FILIP1L: variants seen among roughly 807,000 people sequenced by gnomAD.
FILIP1L encodes the protein filamin A interacting protein 1 like.
In FILIP1L, 55 loss-of-function variants were observed where a neutral mutation model predicts 96.6. That is an observed-to-expected ratio of 0.57 (90% CI 0.46 to 0.71). FILIP1L has a LOEUF of 0.71. Ranked by LOEUF, FILIP1L falls within the 30% of genes least tolerant of loss-of-function variation. The pLI, the probability that FILIP1L is intolerant of heterozygous loss-of-function variation, is 0.00. For synonymous variants in FILIP1L, 467 were observed against 473.9 expected (o/e 0.99, Z 0.19); for missense variants, 1,304 against 1,321.2 (o/e 0.99, Z 0.20).
intron 4 of FILIP1L, among the ~76,000 whole-genome samples, chr3:99,883,479 C>G (rs1349458591): frequency 2.0e-5 from 3 of 152,164 alleles, no homozygotes; most frequent in African/African-American, 7.2e-5. Context: ...TCAGCATTAT[C>G]AGAGTTATCC....
chr3:99,983,458 ATG>A (rs71132503), intron 1 of FILIP1L, among the ~76,000 whole-genome samples: 2,366 of 15,622 alleles, frequency 0.15, 92 homozygotes, highest in South Asian at 0.23. Flanking sequence ...ATATATATAT[ATG>A]TGTGTATATA....
chr3:100,091,284 CAAAAAAAA>C (rs570908389), intron 1 of FILIP1L, among the ~76,000 whole-genome samples: 2 of 59,108 alleles, frequency 3.4e-5, no homozygotes, highest in African/African-American at 1.2e-4. Flanking sequence ...GACTCCGTCT[CAAAAAAAA>C]AAAAAAAAAA....
chr3:99,877,259 A>G (rs926548036), intron 4 of FILIP1L, among the ~76,000 whole-genome samples: 3 of 152,238 alleles, frequency 2.0e-5, no homozygotes, highest in African/African-American at 7.2e-5. Context: ...TTACATTAAA[A>G]TAGGATTGCT....
intron 1 of FILIP1L, among the ~76,000 whole-genome samples, chr3:100,074,911 C>G (rs1457419307): frequency 6.6e-6 from 1 of 151,748 alleles, no homozygotes; most frequent in Non-Finnish European, 1.5e-5. Flanking sequence ...CCAGGCTGGT[C>G]TCGAACTCCT....
Position 99,849,521 on chromosome 3 carries a change from C to G in FILIP1L, c.2155G>C (p.Val719Leu). Residue 719 changes from valine to leucine, a missense_variant, in exon 5 of 6, where the codon GTG becomes CTG. Physicochemically the swap from Val to Leu is conservative, Grantham distance 32. Transcript: ENST00000477258. Reference protein sequence around the residue: ...EAKSGHLSREVDALKEKIHEY... With the variant: ...EAKSGHLSRELDALKEKIHEY... The stretch of plus-strand genomic sequence containing the variant: ...TGAATTTTCTCTTTTAATGCATCCA[C>G]TTCTCTTGAGAGGTGCCCTGACTTA... 1 of 1,613,320 alleles carries G rather than the reference C, an allele frequency of 6.2e-7. No homozygotes were observed.
At chr3:99,884,967 G>A (rs755597636) in intron 4 of FILIP1L, among the ~76,000 whole-genome samples, 8 of 152,142 alleles carry the variant, frequency 5.3e-5, no homozygotes, top group Non-Finnish European at 7.3e-5. Flanking sequence ...CTTCTTTGGG[G>A]TGGTATTTAA....
At chr3:100,048,697 G>A (rs13064704) in intron 1 of FILIP1L, among the ~76,000 whole-genome samples, 28,143 of 152,108 alleles carry the variant, frequency 0.19, 2,951 homozygotes, top group South Asian at 0.25. Flanking sequence ...ACTAAAGGAA[G>A]CAATCAAGTC....
rs1184484571 is a variant in FILIP1L, at chr3:99,848,185, G to A, written c.3381+110C>T. ...CAAACCTTCCCAAAGTACGAGTTCA[G>A]TCAGTCTTGGGGGATATGGAGGGAT... On this transcript the variant is annotated intron_variant, in intron 5 of 5. Transcript: ENST00000477258. 5 of 1,541,152 alleles carry A rather than the reference G, an allele frequency of 3.2e-6. No individual in the cohort carries two copies. In the South Asian group the frequency reaches 6.5e-5, roughly 20 times the overall value.
chr3:100,093,079 G>GA (rs1477587841), intron 1 of FILIP1L, among the ~76,000 whole-genome samples: 1 of 151,866 alleles, frequency 6.6e-6, no homozygotes, highest in Non-Finnish European at 1.5e-5. Flanking sequence ...ATACAGAATG[G>GA]AAAAAATTGA....
chr3:99,927,060 C>G (rs1215721142), intron 3 of FILIP1L, among the ~76,000 whole-genome samples: 3 of 152,194 alleles, frequency 2.0e-5, no homozygotes, highest in Non-Finnish European at 4.4e-5. Context: ...CCATATCTTC[C>G]CACCGATCCT....
intron 5 of FILIP1L, among the ~76,000 whole-genome samples, chr3:99,834,121 A>AT (rs1273867261): frequency 2.0e-5 from 3 of 152,226 alleles, no homozygotes; most frequent in Admixed American, 6.5e-5. Context: ...AAATTTCATA[A>AT]TGATGCTTTG....
intron 1 of FILIP1L, among the ~76,000 whole-genome samples, chr3:100,015,109 G>T (rs1419596080): frequency 4.6e-5 from 7 of 151,476 alleles, no homozygotes; most frequent in Non-Finnish European, 7.4e-5. Flanking sequence ...TCTTCCTCAT[G>T]TAGATATCCA....
chr3:99,909,231 T>G (rs1334586904), intron 4 of FILIP1L, among the ~76,000 whole-genome samples: 2 of 152,176 alleles, frequency 1.3e-5, no homozygotes, highest in Admixed American at 1.3e-4. Flanking sequence ...AAAATTAATT[T>G]TCTGTCTGAT....
At chr3:100,096,418 A>G (rs2066209312) in intron 1 of FILIP1L, among the ~76,000 whole-genome samples, 1 of 152,234 alleles carries the variant, frequency 6.6e-6, no homozygotes, top group African/African-American at 2.4e-5. Context: ...CACAATGGAT[A>G]CTATTCAGCC....
intron 1 of FILIP1L, among the ~76,000 whole-genome samples, chr3:99,958,033 G>A (rs1576600651): frequency 6.8e-6 from 1 of 147,994 alleles, no homozygotes; most frequent in Admixed American, 6.7e-5. Flanking sequence ...TTATATAAAG[G>A]CTCAATGGGC....
chr3:99,932,598 A>G (rs1481870821), intron 1 of FILIP1L, among the ~76,000 whole-genome samples: 2 of 152,216 alleles, frequency 1.3e-5, no homozygotes, highest in Non-Finnish European at 2.9e-5. Context: ...TGATTAAGAC[A>G]TTGACCCATT....
intron 1 of FILIP1L, among the ~76,000 whole-genome samples, chr3:99,934,011 G>A (rs186214315): frequency 2.7e-4 from 41 of 152,264 alleles, no homozygotes; most frequent in East Asian, 1.2e-3. Context: ...GGGCTCTCAC[G>A]TATTTGGCTG....
chr3:100,035,862 T>C (rs1300877902), intron 1 of FILIP1L, among the ~76,000 whole-genome samples: 1 of 152,216 alleles, frequency 6.6e-6, no homozygotes, highest in Non-Finnish European at 1.5e-5. Context: ...TTGGATTCTT[T>C]GAAAGCAAAT....
intron 1 of FILIP1L, among the ~76,000 whole-genome samples, chr3:99,937,808 A>G (rs1029968391): frequency 2.6e-5 from 4 of 152,238 alleles, no homozygotes; most frequent in Non-Finnish European, 5.9e-5. Context: ...GGTACTGAGA[A>G]TCTACTGAAG....
Sources: allele counts gnomAD v4.1 joint callset (sites outside exome capture counted in the v4.1 genomes callset), GRCh38; gene constraint gnomAD v4.1.1; transcripts MANE v1.5; gene names NCBI Gene and HGNC (gene_info 2026-07-23, HGNC 2026-07-21).